The following MGAM variants were observed in gnomAD, a reference collection of about 807,000 sequenced individuals.
MGAM encodes maltase-glucoamylase.
In MGAM, 253 loss-of-function variants were observed where a neutral mutation model predicts 358.8. The observed-to-expected ratio is 0.71, with a 90% CI of 0.64 to 0.78. The LOEUF is 0.78. Ranked by LOEUF, MGAM falls within the 30% of genes least tolerant of loss-of-function variation. MGAM has a pLI of 0.00. For missense variants in MGAM, 3,080 were observed against 3,432.6 expected (o/e 0.90, Z 2.57); for synonymous variants, 1,105 against 1,227.1 (o/e 0.90, Z 2.08).
rs760180161 is a variant in MGAM, at chr7:142,078,482, G to T, written c.5646+12G>T. 3.3e-6 allele frequency: 5 copies of T among 1,536,390 alleles called. 1 individual carries two copies. The East Asian group carries it at 1.1e-4, about 35-fold the overall frequency. ...GCTGTATCTGGGAGGTAACCATGCT[G>T]ATGGGGTTCATGTGCATGAAAATCT... is the stretch of plus-strand genomic sequence containing the variant. On this transcript the variant is annotated intron_variant, in intron 48 of 70. Transcript: ENST00000475668.
In MGAM at chr7:142,027,635, C is replaced by G; in HGVS notation, c.1121C>G (p.Ser374Cys). 1 of 1,613,804 alleles carries G rather than the reference C, an allele frequency of 6.2e-7. No individual in the cohort carries two copies. The highest frequency in any genetic ancestry group is 8.5e-7 in the Non-Finnish European group (1 of 1,179,754). ...CTCATTGGGCGGCCAGCCCTTCCCT[C>G]CTACTGGGCGCTTGGATTTCACCTC... ...LELIGRPALP[S>C]YWALGFHLSR... The change falls in exon 10 of 71, where the codon TCC (serine) becomes TGC (cysteine). Residue 374 changes from serine (S) to cysteine (C), a missense_variant. Coordinates refer to ENST00000475668, the MANE Select transcript of MGAM (RefSeq NM_001365693.1).
chr7:142,034,688 C>G lies in MGAM; in HGVS notation c.1806C>G (p.Phe602Leu), dbSNP rs1554465123. The G allele has an allele frequency of 3.1e-6, 5 of 1,613,292 alleles. No individual in the cohort carries two copies. The highest frequency in any genetic ancestry group is 4.2e-6 in the Non-Finnish European group (5 of 1,179,504). The change falls in exon 16 of 71, where the codon TTC becomes TTG. Residue 602 changes from phenylalanine to leucine, a missense_variant. Physicochemically the swap from Phe to Leu is conservative, Grantham distance 22. Transcript: ENST00000475668. ...CTTGCAGAGCTGCCAAGACTGTGTT[C>G]CCTAATAAGAGAAGCTTCATTCTGA... ...VATAEAAKTV[F>L]PNKRSFILTR...
intron 1 of MGAM, among the ~76,000 whole-genome samples, chr7:141,997,747 C>G (rs1462016983): frequency 6.6e-6 from 1 of 152,152 alleles, no homozygotes; most frequent in Non-Finnish European, 1.5e-5. Context: ...AGAGCTGACT[C>G]TTAAATCTCT....
chr7:142,100,167 C>G (rs945904508), intron 67 of MGAM, among the ~76,000 whole-genome samples: 2 of 152,244 alleles, frequency 1.3e-5, no homozygotes, highest in Admixed American at 6.5e-5. Flanking sequence ...CCAGTGAGTG[C>G]TTGCCCTGTG....
At chr7:142,074,361 T>C (rs1585060668) in intron 45 of MGAM, among the ~76,000 whole-genome samples, 188 bp downstream of exon 45, 1 of 145,860 alleles carries the variant, frequency 6.9e-6, no homozygotes, top group Non-Finnish European at 1.6e-5. Context: ...GAAAGAAAAA[T>C]GCATTTGTAT....
At chr7:142,015,496 T>C (rs901686655) in intron 3 of MGAM, among the ~76,000 whole-genome samples, 1 of 152,078 alleles carries the variant, frequency 6.6e-6, no homozygotes, top group Non-Finnish European at 1.5e-5. Context: ...CAAAAAGTTA[T>C]AGATTTAAGA....
intron 66 of MGAM, among the ~76,000 whole-genome samples, chr7:142,099,183 G>T (rs1489679233): frequency 1.3e-5 from 2 of 152,200 alleles, no homozygotes; most frequent in South Asian, 4.1e-4. Context: ...AGGTGATGCG[G>T]CTGACATCCG....
At position 142,096,373 on chromosome 7, in the gene MGAM, C is replaced by T; in HGVS notation, c.7650C>T (p.Phe2550=). The T allele has an allele frequency of 5.0e-6, 8 of 1,613,742 alleles. No homozygotes were observed. The highest frequency in any genetic ancestry group is 6.8e-6 in the Non-Finnish European group (8 of 1,179,708). Reference sequence around the variant, plus strand: ...TGACATGGGACATAGACAGTCAGTTCCTGCTGGGCCCAGCCTTCCTGGTCA... The same window carrying T: ...TGACATGGGACATAGACAGTCAGTTTCTGCTGGGCCCAGCCTTCCTGGTCA... ...DQVTWDIDSQ[F]LLGPAFLVSP... is the part of the protein sequence containing the mutation. Residue 2550 remains phenylalanine, a synonymous_variant, in exon 65 of 71, where the codon TTC becomes TTT. Transcript: ENST00000475668.
chr7:142,011,121 G>A (rs1805561289), intron 3 of MGAM, among the ~76,000 whole-genome samples: 3 of 152,158 alleles, frequency 2.0e-5, no homozygotes, highest in Admixed American at 2.0e-4. Flanking sequence ...ATTAAGCTGA[G>A]AGAAATTCAC....
rs782017594 is a variant in MGAM at position 142,027,182 on chromosome 7, G to A, written c.1050G>A (p.Val350=). The change falls in exon 9 of 71, where the codon GTG becomes GTA. Residue 350 remains valine, a synonymous_variant. Coordinates refer to ENST00000475668, the MANE Select transcript of MGAM (RefSeq NM_001365693.1). The part of the protein sequence containing the change: ...RTIGGILDFY[V]FLGNTPEQVV... ...TTGGGGGCATTCTCGACTTCTATGT[G>A]TTCTTGGGAAACACTCCAGAGCAAG... The A allele has an allele frequency of 6.2e-6, 10 of 1,613,690 alleles. No homozygotes were observed. Among genetic ancestry groups the A allele is most frequent in the African/African-American group, 1.3e-5 (1 of 75,022 alleles).
Position 142,056,037 on chromosome 7 carries a change from TG to T in MGAM, c.3525del (p.Leu1176TrpfsTer13). On this transcript the variant is annotated frameshift_variant, in exon 29 of 71. Coordinates refer to ENST00000475668, the MANE Select transcript of MGAM (RefSeq NM_001365693.1). LOFTEE classifies it high-confidence loss of function. The stretch of plus-strand genomic sequence containing the variant: ...TCCTATGGTGTCCACCCCTACTACA[TG>T]GGGCTGGAGGAGGACGGCAGTGCCC... ...KNSYGVHPYY[M>X]GLEEDGSAHG... 1 of 1,612,160 alleles carries T rather than the reference TG, an allele frequency of 6.2e-7. No individual in the cohort carries two copies.
chr7:142,030,661 C>T lies in MGAM; in HGVS notation c.1374C>T (p.Asn458=), dbSNP rs540649322. The change falls in exon 12 of 71, where the codon AAC becomes AAT. Residue 458 remains asparagine (N), a synonymous_variant. Transcript: ENST00000475668. ...VIIVDPAISN[N]SSSSKPYGPY... ...TTTAGGATCCAGCCATCTCCAACAA[C>T]TCTTCCTCAAGTAAACCCTATGGCC... 6.2e-7 allele frequency: 1 copy of T among 1,612,792 alleles called. No individual in the cohort carries two copies. The highest frequency in any genetic ancestry group is 2.2e-5 in the East Asian group (1 of 44,856).
In MGAM at chr7:142,032,919, G is replaced by C; in HGVS notation, c.1669+10G>C. 6.3e-7 allele frequency: 1 copy of C among 1,581,824 alleles called. No individual in the cohort carries two copies. Among genetic ancestry groups the C allele is most frequent in the Non-Finnish European group, 8.7e-7 (1 of 1,154,866 alleles). On this transcript the variant is annotated intron_variant, in intron 14 of 70. Transcript: ENST00000475668. ...CCCCCATTCACTCCCAGTAAGTCTT[G>C]GTGGTCAGCAGATTAAAGTAGCCAT...
chr7:142,045,382 C>G (rs1178212688), intron 21 of MGAM, among the ~76,000 whole-genome samples: 1 of 65,750 alleles, frequency 1.5e-5, no homozygotes, highest in Non-Finnish European at 2.9e-5. Flanking sequence ...TATTATATAT[C>G]CCTATAATAC....
In MGAM at chr7:142,065,793, T is replaced by C. The variant is rs1180769382; in HGVS notation, c.4732T>C (p.Tyr1578His). Residue 1578 changes from tyrosine to histidine, a missense_variant, in exon 40 of 71, where the codon TAC becomes CAC. Transcript: ENST00000475668. ...CVRWMQLGAF[Y>H]PFSRNHNTIG... ...TCGCTGGATGCAGCTGGGGGCCTTT[T>C]ACCCCTTCTCAAGAAACCACAATAC... 1 of 1,556,350 alleles carries C rather than the reference T, an allele frequency of 6.4e-7. No individual in the cohort carries two copies. The highest frequency in any genetic ancestry group is 1.3e-5 in the African/African-American group (1 of 74,470).
Position 142,092,606 on chromosome 7 carries a change from C to T in MGAM, c.7031C>T (p.Pro2344Leu), listed in dbSNP as rs754337224. The T allele has an allele frequency of 3.2e-5, 49 of 1,534,830 alleles. 5 individuals are homozygous for T. The highest frequency in any genetic ancestry group is 9.3e-5 in the East Asian group (4 of 43,146). The change falls in exon 59 of 71, where the codon CCG becomes CTG. Residue 2344 changes from proline to leucine, a missense_variant and splice_region_variant. By Grantham distance (98) the Pro-to-Leu change is moderately conservative. Coordinates refer to ENST00000475668, the MANE Select transcript of MGAM (RefSeq NM_001365693.1). Reference protein sequence around the residue: ...DASLNHPPYMPYLESRDRGLS... With the variant: ...DASLNHPPYMLYLESRDRGLS... The stretch of plus-strand genomic sequence containing the variant: ...TCTCTGAACCACCCTCCCTACATGC[C>T]GTGTAAGAATCCTTGGCCTTCTTGA...
At chr7:142,047,421 A>G (rs1810496204) in intron 21 of MGAM, among the ~76,000 whole-genome samples, 1 of 152,172 alleles carries the variant, frequency 6.6e-6, no homozygotes, top group African/African-American at 2.4e-5. Flanking sequence ...TACTGAGGGC[A>G]TCATTGCTAA....
chr7:141,987,271 C>T (rs971719079), intron 2 of MGAM, among the ~76,000 whole-genome samples: 1 of 152,194 alleles, frequency 6.6e-6, no homozygotes, highest in African/African-American at 2.4e-5. Context: ...CAGTTAATCT[C>T]TCTGCTTTTC....
At chr7:141,989,587 G>A (rs898263887) in intron 2 of MGAM, among the ~76,000 whole-genome samples, 20 of 149,250 alleles carry the variant, frequency 1.3e-4, no homozygotes, top group Non-Finnish European at 1.0e-4. Context: ...ACAGGGTCTT[G>A]CTGTGTTGCC....
Sources: allele counts gnomAD v4.1 joint callset (sites outside exome capture counted in the v4.1 genomes callset), GRCh38; gene constraint gnomAD v4.1.1; transcripts MANE v1.5; gene names NCBI Gene and HGNC (gene_info 2026-07-23, HGNC 2026-07-21).